ROBO1: variants seen among roughly 807,000 people sequenced by gnomAD.
ROBO1 encodes roundabout homolog 1.
ROBO1 carries 149 observed loss-of-function variants against 195.9 expected under a neutral mutation model. That is an observed-to-expected ratio of 0.76 (90% CI 0.67 to 0.87). The LOEUF (loss-of-function observed/expected upper bound fraction) is 0.87. ROBO1 is among the 40% of genes least tolerant of loss of function. The probability of loss-of-function intolerance (pLI) is 0.00; values close to 1 mark genes in which losing one functional copy is unlikely to be tolerated. For missense variants in ROBO1, 1,933 were observed against 2,068.3 expected (o/e 0.93, Z 1.27); for synonymous variants, 816 against 733.2 (o/e 1.11, Z -1.82).
At chr3:79,196,984 A>G (rs1017498115) in intron 2 of ROBO1, among the ~76,000 whole-genome samples, 2 of 151,632 alleles carry the variant, frequency 1.3e-5, no homozygotes, top group Admixed American at 6.6e-5. Flanking sequence ...GACTACCTAC[A>G]TAGTTTACTT....
intron 2 of ROBO1, among the ~76,000 whole-genome samples, chr3:79,534,869 C>T (rs1392276347): frequency 6.6e-6 from 1 of 152,106 alleles, no homozygotes; most frequent in East Asian, 1.9e-4. Flanking sequence ...TTCTTATTCT[C>T]CCTGCGTTTG....
intron 2 of ROBO1, among the ~76,000 whole-genome samples, chr3:79,433,799 C>T (rs575220127): frequency 2.0e-5 from 3 of 152,292 alleles, no homozygotes; most frequent in Admixed American, 6.5e-5. Context: ...TGACTTCAAA[C>T]TATACTACAA....
At chr3:79,741,335 T>C (rs1703640296) in intron 1 of ROBO1, among the ~76,000 whole-genome samples, 1 of 152,194 alleles carries the variant, frequency 6.6e-6, no homozygotes, top group African/African-American at 2.4e-5. Context: ...TTTCTCCTGG[T>C]TCTTCTGCAT....
intron 3 of ROBO1, among the ~76,000 whole-genome samples, chr3:78,997,521 G>C (rs1247111986): frequency 2.0e-5 from 3 of 152,144 alleles, no homozygotes; most frequent in African/African-American, 7.2e-5. Flanking sequence ...AATGCACTCA[G>C]ATTGAAGCAG....
chr3:78,638,873 A>T (rs1705727436), intron 22 of ROBO1, among the ~76,000 whole-genome samples: 1 of 152,056 alleles, frequency 6.6e-6, no homozygotes, highest in African/African-American at 2.4e-5. Flanking sequence ...ATTCTATCTC[A>T]AAAAACAACA....
intron 4 of ROBO1, chr3:78,759,444 G>C (rs1367888830): frequency 6.6e-6 from 1 of 150,418 alleles, no homozygotes; most frequent in East Asian, 1.9e-4. Flanking sequence ...CCCCTCCAAA[G>C]GTTCTATTTT....
chr3:79,658,457 C>T (rs1398076231), intron 1 of ROBO1, among the ~76,000 whole-genome samples: 1 of 151,968 alleles, frequency 6.6e-6, no homozygotes, highest in Non-Finnish European at 1.5e-5. Context: ...TTTGTACTTC[C>T]ACATTTTTGC....
chr3:79,593,550 A>G (rs1944069692), intron 1 of ROBO1, among the ~76,000 whole-genome samples: 1 of 151,822 alleles, frequency 6.6e-6, no homozygotes, highest in Non-Finnish European at 1.5e-5. Context: ...TCTCATAATC[A>G]TCTTTGGTGA....
intron 2 of ROBO1, 63 bp downstream of exon 2, chr3:79,589,761 G>A (rs1560019122): frequency 1.5e-6 from 2 of 1,316,100 alleles, no homozygotes; most frequent in South Asian, 1.2e-5. Context: ...ACAATAAAAA[G>A]TGAATTTAAA....
rs549991496 is a variant in ROBO1, at chr3:79,509,766, C to T, written c.88+80058G>A. ...TGTCAGACTCTTCCTTAATCTTAAC[C>T]CCCCTCCATGAAACATATGAATGTG... is the stretch of plus-strand genomic sequence containing the variant. On this transcript the variant is annotated intron_variant, in intron 2 of 30. Coordinates refer to ENST00000464233, the MANE Select transcript of ROBO1 (RefSeq NM_002941.4). Among the ~76,000 whole-genome samples, 29 of 152,048 alleles carry T rather than the reference C, an allele frequency of 1.9e-4. No homozygotes were observed. The East Asian group carries it at 5.4e-3, about 28-fold the overall frequency.
At chr3:78,892,300 T>C (rs1212249995) in intron 4 of ROBO1, among the ~76,000 whole-genome samples, 1 of 152,128 alleles carries the variant, frequency 6.6e-6, no homozygotes, top group Non-Finnish European at 1.5e-5. Flanking sequence ...AGAATCTAAT[T>C]TTCCCACCCC....
intron 1 of ROBO1, among the ~76,000 whole-genome samples, chr3:79,644,929 A>T (rs1016951795): frequency 6.6e-6 from 1 of 152,180 alleles, no homozygotes; most frequent in Non-Finnish European, 1.5e-5. Flanking sequence ...TTACACAAAC[A>T]CATGGAAATT....
At chr3:79,046,477 A>G (rs1201368092) in intron 3 of ROBO1, among the ~76,000 whole-genome samples, 1 of 152,146 alleles carries the variant, frequency 6.6e-6, no homozygotes, top group Non-Finnish European at 1.5e-5. Flanking sequence ...TAATAACTAT[A>G]TATAGTTTAT....
intron 2 of ROBO1, among the ~76,000 whole-genome samples, chr3:79,311,471 A>C (rs1186717573): frequency 6.6e-6 from 1 of 152,198 alleles, no homozygotes; most frequent in East Asian, 1.9e-4. Flanking sequence ...GGTTATTTCC[A>C]CTAAATGAAA....
intron 2 of ROBO1, among the ~76,000 whole-genome samples, chr3:79,149,653 A>G (rs2080725631): frequency 6.6e-6 from 1 of 151,622 alleles, no homozygotes; most frequent in South Asian, 2.1e-4. Flanking sequence ...TGAGGAGGGG[A>G]AGCATTCTAT....
At chr3:79,739,740 C>T (rs942447504) in intron 1 of ROBO1, among the ~76,000 whole-genome samples, 1 of 152,274 alleles carries the variant, frequency 6.6e-6, no homozygotes, top group African/African-American at 2.4e-5. Context: ...ACCAGCCACT[C>T]TTCAAAGCAC....
chr3:79,764,696 A>G (rs776165725), intron 1 of ROBO1, among the ~76,000 whole-genome samples: 1 of 152,250 alleles, frequency 6.6e-6, no homozygotes, highest in Non-Finnish European at 1.5e-5. Context: ...GTGAGATTTT[A>G]TAGCTAAGCA....
At chr3:78,606,619 C>A (rs930404740) in intron 29 of ROBO1, 114 bp downstream of exon 29, 1 of 1,021,662 alleles carries the variant, frequency 9.8e-7, no homozygotes, top group Non-Finnish European at 1.5e-6. Flanking sequence ...ATCTCCTCCA[C>A]TGGAGAGCAA....
chr3:79,571,347 C>T (rs1035795867), intron 2 of ROBO1, among the ~76,000 whole-genome samples: 4 of 151,996 alleles, frequency 2.6e-5, no homozygotes, highest in Admixed American at 2.6e-4. Flanking sequence ...TTATATGAGA[C>T]TTGCTCCTCT....
Sources: gnomAD v4.1 joint callset for allele counts (sites outside exome capture counted in the v4.1 genomes callset) on GRCh38, gnomAD v4.1.1 for gene constraint, MANE v1.5 for transcripts, NCBI Gene and HGNC (gene_info 2026-07-23, HGNC 2026-07-21) for gene names.